RLF: variants seen among roughly 807,000 people sequenced by gnomAD.
The protein encoded by RLF is zinc finger protein Rlf.
RLF carries 7 observed loss-of-function variants against 162.9 expected under a neutral mutation model. The ratio of observed to expected loss-of-function variants is 0.04; its 90% CI spans 0.02 to 0.08. The LOEUF is 0.08. RLF is among the 10% of genes least tolerant of loss of function. The probability of loss-of-function intolerance (pLI) is 1.00; values close to 1 mark genes in which losing one functional copy is unlikely to be tolerated. For synonymous variants in RLF, 782 were observed against 791.5 expected, an observed-to-expected ratio of 0.99 and a Z score of 0.20; for missense variants, 1,664 against 2,244.7, an observed-to-expected ratio of 0.74 and a Z score of 5.23.
intron 5 of RLF, among the ~76,000 whole-genome samples, chr1:40,217,644 C>T (rs542017546): frequency 4.6e-5 from 7 of 151,640 alleles, no homozygotes; most frequent in Admixed American, 1.3e-4. Flanking sequence ...CGGGAGCGTA[C>T]GCCTGTAGTC....
chr1:40,189,079 A>G lies in RLF; in HGVS notation c.262A>G (p.Lys88Glu), dbSNP rs1642523055. The part of the protein sequence containing the change: ...CQTLLQYASN[K>E]NASEHIVYLL... ...GACCTTATTGCAATATGCAAGCAAC[A>G]AGAATGCATCAGAACATATTGTGTA... The change falls in exon 2 of 8, where the codon AAG becomes GAG. Residue 88 changes from lysine (K) to glutamate (E), a missense_variant. Physicochemically the swap from Lys to Glu is moderately conservative, Grantham distance 56. Around this residue, in one of 15 missense-constraint regions of RLF, gnomAD observed 134 missense variants for 124.3 expected, o/e 1.08. Transcript: ENST00000372771. 1 of 1,605,586 alleles carries G rather than the reference A, an allele frequency of 6.2e-7. No homozygotes were observed. Among genetic ancestry groups the G allele is most frequent in the South Asian group, 1.1e-5 (1 of 89,724 alleles).
intron 1 of RLF, among the ~76,000 whole-genome samples, chr1:40,178,636 T>TG (rs201440875): frequency 2.7e-5 from 4 of 147,350 alleles, no homozygotes; most frequent in African/African-American, 7.6e-5. Context: ...TTTTTTGTTT[T>TG]TTTTTTTTTT....
intron 1 of RLF, among the ~76,000 whole-genome samples, chr1:40,163,140 A>G (rs1642119582): frequency 6.6e-6 from 1 of 152,232 alleles, no homozygotes; most frequent in Admixed American, 6.5e-5. Flanking sequence ...AAGGTTAATT[A>G]TAAATTGTAG....
intron 3 of RLF, among the ~76,000 whole-genome samples, chr1:40,194,154 G>T (rs921550846): frequency 4.1e-5 from 1 of 24,574 alleles, no homozygotes; most frequent in African/African-American, 1.5e-4. Flanking sequence ...CATTTTGTTT[G>T]CTGAGTTAAT....
Position 40,233,856 on chromosome 1 carries a change from GA to G in RLF, c.1090-1928del, listed in dbSNP as rs966490745. Among the ~76,000 whole-genome samples the G allele has an allele frequency of 3.4e-3, 515 of 151,796 alleles. 8 individuals are homozygous for G. The highest frequency in any genetic ancestry group is 0.012 in the African/African-American group (494 of 41,276). ...ACTATTACACTTGACTAGTTTTAAA[GA>G]AAAAAAAGTTGGAGTCTCAGTTTGC... On this transcript the variant is annotated intron_variant, in intron 7 of 7. Coordinates refer to ENST00000372771, the MANE Select transcript of RLF (RefSeq NM_012421.4).
chr1:40,232,778 C>T (rs1643168694), intron 7 of RLF, among the ~76,000 whole-genome samples: 1 of 152,176 alleles, frequency 6.6e-6, no homozygotes, highest in Non-Finnish European at 1.5e-5. Flanking sequence ...GATCATAGCT[C>T]ATTACAGCTT....
At chr1:40,234,840 A>G (rs1250149490) in intron 7 of RLF, among the ~76,000 whole-genome samples, 8 of 152,218 alleles carry the variant, frequency 5.3e-5, no homozygotes, top group Non-Finnish European at 7.3e-5. Context: ...CCAAGCTTTT[A>G]TCACATATGA....
intron 4 of RLF, 75 bp downstream of exon 4, chr1:40,195,839 G>T: frequency 1.4e-6 from 2 of 1,390,158 alleles, no homozygotes; most frequent in Non-Finnish European, 2.0e-6. Context: ...AAAATTTTGG[G>T]AATTTAACTT....
At chr1:40,174,243 C>T (rs1185779123) in intron 1 of RLF, among the ~76,000 whole-genome samples, 2 of 152,076 alleles carry the variant, frequency 1.3e-5, no homozygotes, top group South Asian at 4.1e-4. Context: ...CAGTGGCAGG[C>T]GCCTGTAATC....
At chr1:40,235,686 T>A (rs1418987488) in intron 7 of RLF, 106 bp from the exon 8 acceptor site, 1 of 739,770 alleles carries the variant, frequency 1.4e-6, no homozygotes, top group East Asian at 3.0e-5. Flanking sequence ...TAAGATAAAA[T>A]TTAGGAACTC....
chr1:40,238,762 G>T lies in RLF; in HGVS notation c.4060G>T (p.Glu1354Ter). 1 of 1,613,426 alleles carries T rather than the reference G, an allele frequency of 6.2e-7. No homozygotes were observed. Among genetic ancestry groups the T allele is most frequent in the South Asian group, 1.1e-5 (1 of 90,934 alleles). The change falls in exon 8 of 8, where the codon GAA becomes TAA. Residue 1354 changes from glutamate to a stop codon, truncating the protein, a stop_gained. Coordinates refer to ENST00000372771, the MANE Select transcript of RLF (RefSeq NM_012421.4). LOFTEE classifies it high-confidence loss of function. This position sits in a 1 kb window ranked among gnomAD's most constrained non-coding sequence, Gnocchi z 5.2. ...LEKDKARTKR[E>*]LVKCKKIFAC... ...GAAAGACAAAGCAAGAACCAAAAGG[G>T]AACTTGTCAAATGTAAAAAGATATT...
At chr1:40,213,972 T>C (rs1354304603) in intron 5 of RLF, among the ~76,000 whole-genome samples, 2 of 152,256 alleles carry the variant, frequency 1.3e-5, no homozygotes, top group Non-Finnish European at 2.9e-5. Context: ...GTTATTACTG[T>C]TGTTTAATTG....
At chr1:40,205,806 A>G (rs1642784705) in intron 5 of RLF, among the ~76,000 whole-genome samples, 1 of 151,878 alleles carries the variant, frequency 6.6e-6, no homozygotes, top group African/African-American at 2.4e-5. Context: ...TTCTTCTTTC[A>G]AGACATTCTA....
At chr1:40,190,669 A>C in intron 2 of RLF, 103 bp from the exon 3 acceptor site, 2 of 738,388 alleles carry the variant, frequency 2.7e-6, no homozygotes, top group Non-Finnish European at 4.2e-6. Context: ...AAAAACATTT[A>C]AAATAGCCTA....
Position 40,231,539 on chromosome 1 carries a change from A to C in RLF, c.970A>C (p.Lys324Gln). The C allele has an allele frequency of 6.2e-7, 1 of 1,613,222 alleles. No homozygotes were observed. The highest frequency in any genetic ancestry group is 8.5e-7 in the Non-Finnish European group (1 of 1,179,622). ...TAGGGAACTGACTCTTTTTTGGAGT[A>C]AACTGCAAAGAAGAATTGACCCTTC... Reference protein sequence around the residue: ...CSWELTLFWSKLQRRIDPSLD... With the variant: ...CSWELTLFWSQLQRRIDPSLD... Residue 324 changes from lysine to glutamine, a missense_variant, in exon 7 of 8, where the codon AAA becomes CAA. Around this residue, in one of 15 missense-constraint regions of RLF, gnomAD observed 287 missense variants for 404.9 expected, o/e 0.71. Transcript: ENST00000372771.
At chr1:40,188,398 G>T (rs1642511561) in intron 1 of RLF, among the ~76,000 whole-genome samples, 1 of 152,088 alleles carries the variant, frequency 6.6e-6, no homozygotes, top group African/African-American at 2.4e-5. Flanking sequence ...GAGGAATAGG[G>T]TACCCTGTGT....
intron 5 of RLF, among the ~76,000 whole-genome samples, chr1:40,216,382 G>C (rs368628542): frequency 1.3e-5 from 2 of 152,042 alleles, no homozygotes; most frequent in East Asian, 3.9e-4. Context: ...CAGCTACTCA[G>C]GAGGCTGAGG....
intron 6 of RLF, among the ~76,000 whole-genome samples, chr1:40,225,721 G>C (rs528208537): frequency 6.6e-6 from 1 of 150,644 alleles, no homozygotes; most frequent in Non-Finnish European, 1.5e-5. Context: ...CTAAAAATAC[G>C]GAAAATTAGC....
intron 5 of RLF, among the ~76,000 whole-genome samples, chr1:40,217,926 G>A (rs890308576): frequency 2.6e-4 from 39 of 152,098 alleles, no homozygotes; most frequent in Admixed American, 1.3e-4. Flanking sequence ...GCTGTGTAAC[G>A]TGTATGTAGA....
Sources: gnomAD v4.1 joint callset for allele counts (sites outside exome capture counted in the v4.1 genomes callset) on GRCh38, gnomAD v4.1.1 for gene constraint, gnomAD v4.1.1 regional missense constraint, Gnocchi (gnomAD v3.1) non-coding constraint, MANE v1.5 for transcripts, NCBI Gene and HGNC (gene_info 2026-07-23, HGNC 2026-07-21) for gene names.